The following SLC35F2 variants were observed in gnomAD, a reference collection of about 807,000 sequenced individuals.
SLC35F2 encodes the protein queuine/queuosine transporter SLC35F2.
In SLC35F2, 25 loss-of-function variants were observed where a neutral mutation model predicts 38.1. That is an observed-to-expected ratio of 0.66 (90% CI 0.48 to 0.92). SLC35F2 has a LOEUF of 0.92. Ranked by LOEUF, SLC35F2 falls within the 40% of genes least tolerant of loss-of-function variation. The probability of loss-of-function intolerance (pLI) is 0.00; values close to 1 mark genes in which losing one functional copy is unlikely to be tolerated. For synonymous variants in SLC35F2, 173 were observed against 181.7 expected (o/e 0.95, Z 0.38); for missense variants, 409 against 452.9 (o/e 0.90, Z 0.88).
At chr11:107,833,504 G>A (rs1180079665) in intron 1 of SLC35F2, among the ~76,000 whole-genome samples, 1 of 129,626 alleles carries the variant, frequency 7.7e-6, no homozygotes, top group Non-Finnish European at 1.6e-5. Flanking sequence ...GGGCATCAGA[G>A]TGAGACTCTG....
intron 1 of SLC35F2, among the ~76,000 whole-genome samples, chr11:107,824,223 G>A (rs912738103): frequency 3.3e-5 from 5 of 152,250 alleles, no homozygotes; most frequent in East Asian, 3.9e-4. Flanking sequence ...GTAAAAGAAA[G>A]GAAATCAGTG....
intron 1 of SLC35F2, among the ~76,000 whole-genome samples, chr11:107,845,820 G>A (rs1021604506): frequency 3.3e-5 from 5 of 151,940 alleles, no homozygotes; most frequent in Admixed American, 1.3e-4. Flanking sequence ...GGGCGTGGTG[G>A]TGTGCACCTG....
At position 107,806,420 on chromosome 11, in the gene SLC35F2, A is replaced by G. The variant is rs966457930; in HGVS notation, c.574+297T>C. On this transcript the variant is annotated intron_variant, in intron 4 of 7. Transcript: ENST00000525815. ...TCTCTCTCAATCCAAAGAGACACTT[A>G]ACTCACTTGTAGACTGGGTGAATTC... Among the ~76,000 whole-genome samples, 116 of 152,236 alleles carry G rather than the reference A, an allele frequency of 7.6e-4. 2 individuals are homozygous for G. Among genetic ancestry groups the G allele is most frequent in the Non-Finnish European group, 4.3e-4 (29 of 68,050 alleles).
In SLC35F2 at chr11:107,791,701, CCAT is replaced by C. The variant is rs971303873; in HGVS notation, c.*911_*913del. Reference sequence around the variant, plus strand: ...TTAGCCTGGGCAACATGGCGAAACCCCATCTCTCTACAAAAACAAACAAAACAG... The same window carrying C: ...TTAGCCTGGGCAACATGGCGAAACCCCTCTCTACAAAAACAAACAAAACAG... On this transcript the variant is annotated 3_prime_UTR_variant, in exon 8 of 8. Transcript: ENST00000525815. 2 of 152,210 alleles carry C rather than the reference CCAT, an allele frequency of 1.3e-5. No homozygotes were observed. Among genetic ancestry groups the C allele is most frequent in the Non-Finnish European group, 2.9e-5 (2 of 68,166 alleles). The allele number at this position is 152,210 out of a possible 1,614,324, so 9.4% of individuals were successfully genotyped here. A position where few individuals can be genotyped will look rare whatever the true frequency, so the allele number is the denominator to read the frequency against.
At chr11:107,846,214 GA>G (rs34130706) in intron 1 of SLC35F2, among the ~76,000 whole-genome samples, 53,089 of 144,278 alleles carry the variant, frequency 0.37, 9,588 homozygotes, top group South Asian at 0.5. Flanking sequence ...ATTGGTAACA[GA>G]AAAAAAAAAA....
intron 1 of SLC35F2, among the ~76,000 whole-genome samples, chr11:107,825,888 G>A (rs893253659): frequency 6.6e-6 from 1 of 152,116 alleles, no homozygotes; most frequent in African/African-American, 2.4e-5. Flanking sequence ...GCTGGTAAAA[G>A]CGTAAAATAA....
At chr11:107,807,418 T>C (rs866679552) in intron 3 of SLC35F2, among the ~76,000 whole-genome samples, 25 of 152,030 alleles carry the variant, frequency 1.6e-4, no homozygotes, top group African/African-American at 5.8e-4. Context: ...CACTGCACTC[T>C]AGGCTGTACA....
chr11:107,832,267 T>C (rs183502988), intron 1 of SLC35F2, among the ~76,000 whole-genome samples: 338 of 152,328 alleles, frequency 2.2e-3, no homozygotes, highest in Non-Finnish European at 3.0e-3. Context: ...CCTCTGAGCA[T>C]TCCCAATGTT....
intron 1 of SLC35F2, among the ~76,000 whole-genome samples, chr11:107,844,444 A>G (rs1367946880): frequency 6.6e-5 from 10 of 151,700 alleles, no homozygotes; most frequent in Non-Finnish European, 1.3e-4. Flanking sequence ...CCTGGCCAAC[A>G]TGGTGAAATC....
At chr11:107,799,899 T>C (rs524655) in intron 7 of SLC35F2, among the ~76,000 whole-genome samples, 1 of 150,020 alleles carries the variant, frequency 6.7e-6, no homozygotes, top group Non-Finnish European at 1.5e-5. Context: ...TTTTGTTTTT[T>C]TTTTTTTGAG....
At chr11:107,855,489 C>CA (rs996544423) in intron 1 of SLC35F2, among the ~76,000 whole-genome samples, 20 of 151,838 alleles carry the variant, frequency 1.3e-4, no homozygotes, top group Admixed American at 1.2e-3. Flanking sequence ...CCCATCTCTA[C>CA]AAAAAATACA....
In SLC35F2 at chr11:107,825,695, C is replaced by A. The variant is rs1381900740; in HGVS notation, c.111-9730G>T. 1.3e-5 allele frequency among the ~76,000 whole-genome samples: 2 copies of A among 151,982 alleles called. 1 individual carries two copies. Among genetic ancestry groups the A allele is most frequent in the South Asian group, 4.1e-4 (2 of 4,830 alleles). On this transcript the variant is annotated intron_variant, in intron 1 of 7. Transcript: ENST00000525815. ...TGAGATTCCGCATTCCTAAGAAGCT[C>A]TCAGGAGATACTTATGCTGCTGGTC...
intron 7 of SLC35F2, among the ~76,000 whole-genome samples, chr11:107,793,714 GC>G (rs1489435886): frequency 2.6e-5 from 4 of 152,146 alleles, no homozygotes; most frequent in African/African-American, 9.7e-5. Context: ...AGAGTCCAAA[GC>G]CCAAAGAGGT....
At position 107,815,908 on chromosome 11, in the gene SLC35F2, T is replaced by C. The variant is rs772617460; in HGVS notation, c.168A>G (p.Thr56=). 13 of 1,613,974 alleles carry C rather than the reference T, an allele frequency of 8.1e-6. No individual in the cohort carries two copies. Among genetic ancestry groups the C allele is most frequent in the East Asian group, 2.2e-5 (1 of 44,886 alleles). The change falls in exon 2 of 8, where the codon ACA becomes ACG. Residue 56 remains threonine (T), a synonymous_variant. Transcript: ENST00000525815. The part of the protein sequence containing the change: ...GQMLSLCICG[T]AITSQYLAER... ...CTGCCAAATACTGGCTGGTGATGGCTGTCCCACATATACACAAGGACAACA... is the reference window on the plus strand; with the variant it reads ...CTGCCAAATACTGGCTGGTGATGGCCGTCCCACATATACACAAGGACAACA...
intron 4 of SLC35F2, 54 bp from the exon 5 acceptor site, chr11:107,805,569 C>T (rs968099197): frequency 2.5e-6 from 4 of 1,568,776 alleles, no homozygotes; most frequent in Non-Finnish European, 2.6e-6. Context: ...TGAACCTCCA[C>T]AGCGTGCCTC....
intron 2 of SLC35F2, among the ~76,000 whole-genome samples, chr11:107,812,702 T>A (rs568553441): frequency 8.5e-5 from 13 of 152,320 alleles, no homozygotes; most frequent in South Asian, 2.1e-4. Flanking sequence ...AGTTTTTTTT[T>A]AAAATCCCTT....
intron 7 of SLC35F2, among the ~76,000 whole-genome samples, chr11:107,798,462 G>T (rs1391245584): frequency 6.6e-6 from 1 of 152,166 alleles, no homozygotes; most frequent in African/African-American, 2.4e-5. Context: ...AAGAAGGCAG[G>T]TGATTAAATG....
At chr11:107,799,080 A>G (rs1859265718) in intron 7 of SLC35F2, among the ~76,000 whole-genome samples, 1 of 152,206 alleles carries the variant, frequency 6.6e-6, no homozygotes, top group Non-Finnish European at 1.5e-5. Flanking sequence ...TGTCGCAAAC[A>G]AAACAAACTA....
intron 1 of SLC35F2, among the ~76,000 whole-genome samples, chr11:107,837,656 T>C (rs1335337183): frequency 6.6e-6 from 1 of 152,032 alleles, no homozygotes; most frequent in African/African-American, 2.4e-5. Context: ...ATGGCACCAC[T>C]GCACTCCAGC....
Sources: allele counts gnomAD v4.1 joint callset (sites outside exome capture counted in the v4.1 genomes callset), GRCh38; gene constraint gnomAD v4.1.1; transcripts MANE v1.5; gene names NCBI Gene and HGNC (gene_info 2026-07-23, HGNC 2026-07-21).